The following PHLPP1 variants were observed in gnomAD, a reference collection of about 807,000 sequenced individuals.
PHLPP1 encodes the protein PH domain leucine-rich repeat-containing protein phosphatase 1.
PHLPP1 carries 42 observed loss-of-function variants against 117.2 expected under a neutral mutation model. That is an observed-to-expected ratio of 0.36 (90% CI 0.28 to 0.46). The LOEUF is 0.46. PHLPP1 is among the 20% of genes least tolerant of loss of function. The pLI is 1.00. For missense variants in PHLPP1, 2,084 were observed against 2,241.9 expected (o/e 0.93, Z 1.42); for synonymous variants, 1,042 against 970.7 (o/e 1.07, Z -1.37).
chr18:62,734,610 A>G (rs573488785), intron 1 of PHLPP1, among the ~76,000 whole-genome samples: 2 of 152,354 alleles, frequency 1.3e-5, no homozygotes, highest in Non-Finnish European at 2.9e-5. Context: ...GAGAAACACC[A>G]TGGTAACAAA....
Position 62,716,802 on chromosome 18 carries a change from G to C in PHLPP1, c.1119G>C (p.Ser373=), listed in dbSNP as rs935785132. ...LDPYSSGGGS[S]SSSEELEADA... is the part of the protein sequence containing the mutation. ...CCTACAGCAGCGGCGGCGGCTCCTC[G>C]TCGTCGTCGGAAGAGCTCGAGGCCG... Residue 373 remains serine (S), a synonymous_variant, in exon 1 of 17, where the codon TCG becomes TCC. Coordinates refer to ENST00000262719, the MANE Select transcript of PHLPP1 (RefSeq NM_194449.4). The surrounding 1 kb of genome is among the most constrained non-coding windows in gnomAD (Gnocchi z 5.7). 3 of 1,525,934 alleles carry C rather than the reference G, an allele frequency of 2.0e-6. No homozygotes were observed. Among genetic ancestry groups the C allele is most frequent in the East Asian group, 5.1e-5 (2 of 39,220 alleles). The allele number at this position is 1,525,934 out of a possible 1,614,324, so 94.5% of individuals were successfully genotyped here. A position where few individuals can be genotyped will look rare whatever the true frequency, so the allele number is the denominator to read the frequency against.
chr18:62,733,618 T>A (rs534019705), intron 1 of PHLPP1, among the ~76,000 whole-genome samples: 26 of 152,324 alleles, frequency 1.7e-4, no homozygotes, highest in African/African-American at 5.5e-4. Context: ...GTGAATTGTC[T>A]AGGATCCCTT....
intron 11 of PHLPP1, among the ~76,000 whole-genome samples, chr18:62,942,251 C>T (rs749671991): frequency 2.2e-4 from 34 of 152,102 alleles, no homozygotes; most frequent in Non-Finnish European, 3.5e-4. Flanking sequence ...CCAGGTGTGG[C>T]AGTGCGTGCC....
intron 3 of PHLPP1, among the ~76,000 whole-genome samples, chr18:62,857,591 T>G (rs1345664061): frequency 6.6e-6 from 1 of 152,110 alleles, no homozygotes; most frequent in African/African-American, 2.4e-5. Context: ...CAGTTCCCCT[T>G]AGGATCATGA....
chr18:62,906,525 G>C (rs576790066), intron 8 of PHLPP1: 8 of 138,756 alleles, frequency 5.8e-5, no homozygotes, highest in Middle Eastern at 3.6e-3. Context: ...TTCCCTTTCC[G>C]AGTCAAAGAA....
At chr18:62,918,842 T>C (rs1193905295) in intron 9 of PHLPP1, among the ~76,000 whole-genome samples, 1 of 151,432 alleles carries the variant, frequency 6.6e-6, no homozygotes, top group African/African-American at 2.4e-5. Flanking sequence ...TAGATATAAA[T>C]GTTCTCATCA....
chr18:62,966,660 G>A (rs1038251176), intron 14 of PHLPP1, among the ~76,000 whole-genome samples: 3 of 151,996 alleles, frequency 2.0e-5, no homozygotes, highest in South Asian at 4.2e-4. Flanking sequence ...TAGTAGAGAC[G>A]GGGTTTCACT....
chr18:62,821,296 G>A (rs1382618144), intron 1 of PHLPP1, among the ~76,000 whole-genome samples: 1 of 151,778 alleles, frequency 6.6e-6, no homozygotes, highest in Non-Finnish European at 1.5e-5. Flanking sequence ...AGTAAAAGAA[G>A]CAATAAGCAA....
At chr18:62,927,936 T>C (rs567693291) in intron 10 of PHLPP1, among the ~76,000 whole-genome samples, 7 of 152,238 alleles carry the variant, frequency 4.6e-5, no homozygotes, top group African/African-American at 1.7e-4. Context: ...ATTAAAACTA[T>C]TAGATTTTGA....
intron 1 of PHLPP1, among the ~76,000 whole-genome samples, chr18:62,756,349 C>T (rs1912018431): frequency 6.6e-6 from 1 of 152,164 alleles, no homozygotes; most frequent in Admixed American, 6.5e-5. Flanking sequence ...GAAGGATAGT[C>T]CTGCCATGTG....
At chr18:62,927,606 A>G (rs995138481) in intron 10 of PHLPP1, among the ~76,000 whole-genome samples, 1 of 152,170 alleles carries the variant, frequency 6.6e-6, no homozygotes, top group Admixed American at 6.5e-5. Flanking sequence ...CAGGGTGCCC[A>G]AGGGAGAATA....
chr18:62,895,948 G>C lies in PHLPP1; in HGVS notation c.2381G>C (p.Cys794Ser). 1 of 1,613,862 alleles carries C rather than the reference G, an allele frequency of 6.2e-7. No individual in the cohort carries two copies. The highest frequency in any genetic ancestry group is 2.2e-5 in the East Asian group (1 of 44,880). The change falls in exon 6 of 17, where the codon TGT becomes TCT. Residue 794 changes from cysteine (C) to serine (S), a missense_variant. Around this residue, in one of 2 missense-constraint regions of PHLPP1, gnomAD observed 1,365 missense variants for 1,605.9 expected, o/e 0.85. Coordinates refer to ENST00000262719, the MANE Select transcript of PHLPP1 (RefSeq NM_194449.4). ...GATAAACTTTGTATGTCTGGAAACTGTGTGGAGACCCTTAGGCTACAGGCT... is the reference window on the plus strand; with the variant it reads ...GATAAACTTTGTATGTCTGGAAACTCTGTGGAGACCCTTAGGCTACAGGCT... ...AVDKLCMSGN[C>S]VETLRLQALR...
chr18:62,913,474 A>ACCCT (rs1453268728), intron 8 of PHLPP1, among the ~76,000 whole-genome samples: 3 of 152,210 alleles, frequency 2.0e-5, no homozygotes, highest in Admixed American at 1.3e-4. Flanking sequence ...CCCTAACATC[A>ACCCT]AAATTATTTT....
In PHLPP1 at chr18:62,946,958, C is replaced by A. The variant is rs137969206; in HGVS notation, c.3324+1687C>A. ...GTCCCAGCTACTCGGGAGGCTGAGG[C>A]AGGAGAATGTCATGAACCTGGGAGG... On this transcript the variant is annotated intron_variant, in intron 12 of 16. Transcript: ENST00000262719. 5.6e-3 allele frequency among the ~76,000 whole-genome samples: 849 copies of A among 152,250 alleles called. 13 individuals carry two copies. Among genetic ancestry groups the A allele is most frequent in the African/African-American group, 0.019 (775 of 41,540 alleles).
chr18:62,717,009 C>G lies in PHLPP1; in HGVS notation c.1326C>G (p.Ala442=), dbSNP rs34602284. 1.9e-6 allele frequency: 3 copies of G among 1,544,158 alleles called. No homozygotes were observed. Among genetic ancestry groups the G allele is most frequent in the Non-Finnish European group, 1.7e-6 (2 of 1,145,942 alleles). ...CGTGCGAGGAGAAGGCAGCGGCAGC[C>G]GTGGCCCCGGGAGGCCTCCAGTCTA... is the stretch of plus-strand genomic sequence containing the variant. ...EGSCEEKAAA[A]VAPGGLQSTP... is the part of the protein sequence containing the mutation. The change falls in exon 1 of 17, where the codon GCC becomes GCG. Residue 442 remains alanine, a synonymous_variant. Transcript: ENST00000262719.
intron 1 of PHLPP1, among the ~76,000 whole-genome samples, chr18:62,799,993 T>A (rs147909793): frequency 4.9e-4 from 74 of 152,244 alleles, no homozygotes; most frequent in African/African-American, 1.7e-3. Context: ...CTGCTGGAGA[T>A]GTTATTAACC....
At chr18:62,912,838 C>T (rs1459251703) in intron 8 of PHLPP1, among the ~76,000 whole-genome samples, 1 of 152,190 alleles carries the variant, frequency 6.6e-6, no homozygotes, top group Non-Finnish European at 1.5e-5. Flanking sequence ...CCAGGCTGGT[C>T]TGGAACTCCT....
chr18:62,893,073 G>A (rs867658184), intron 4 of PHLPP1, among the ~76,000 whole-genome samples: 86 of 148,942 alleles, frequency 5.8e-4, no homozygotes, highest in Middle Eastern at 3.5e-3. Flanking sequence ...GCAGAGTCTC[G>A]CTCTATCGCC....
intron 1 of PHLPP1, among the ~76,000 whole-genome samples, chr18:62,805,409 A>G (rs1328124480): frequency 2.0e-5 from 3 of 152,114 alleles, no homozygotes; most frequent in African/African-American, 7.2e-5. Flanking sequence ...TATATATTAT[A>G]CAGTGGTATA....
Sources: gnomAD v4.1 joint callset for allele counts (sites outside exome capture counted in the v4.1 genomes callset) on GRCh38, gnomAD v4.1.1 for gene constraint, gnomAD v4.1.1 regional missense constraint, Gnocchi (gnomAD v3.1) non-coding constraint, MANE v1.5 for transcripts, NCBI Gene and HGNC (gene_info 2026-07-23, HGNC 2026-07-21) for gene names.